The following ANXA2 variants were observed in gnomAD, a reference collection of about 807,000 sequenced individuals.
ANXA2 encodes the protein annexin II.
Under a neutral mutation model 47.3 loss-of-function variants are expected in ANXA2, and 28 were observed. That is an observed-to-expected ratio of 0.59 (90% CI 0.44 to 0.81). ANXA2 has a LOEUF of 0.81. ANXA2 is among the 40% of genes least tolerant of loss of function. The probability of loss-of-function intolerance (pLI) is 0.00; values close to 1 mark genes in which losing one functional copy is unlikely to be tolerated. For synonymous variants in ANXA2, 172 were observed against 155.5 expected (o/e 1.11, Z -0.79); for missense variants, 384 against 414.3 (o/e 0.93, Z 0.64).
At chr15:60,393,419 A>G in intron 1 of ANXA2, 1 of 1,007,504 alleles carries the variant, frequency 9.9e-7, no homozygotes, top group Non-Finnish European at 1.2e-6. Context: ...CACATATTGT[A>G]TTTTCAACAG....
At chr15:60,358,879 T>C (rs1004776232) in intron 5 of ANXA2, among the ~76,000 whole-genome samples, 17 of 152,214 alleles carry the variant, frequency 1.1e-4, no homozygotes, top group African/African-American at 3.9e-4. Context: ...GTAAGATGTG[T>C]TTCCTTCCAT....
Position 60,355,953 on chromosome 15 carries a change from C to T in ANXA2, c.494G>A (p.Gly165Asp), listed in dbSNP as rs767456475. The change falls in exon 7 of 13, where the codon GGT (glycine) becomes GAT (aspartate). Residue 165 changes from glycine (G) to aspartate (D), a missense_variant. Transcript: ENST00000451270. ...LEKDIISDTS[G>D]DFRKLMVALA... The stretch of plus-strand genomic sequence containing the variant: ...GGCAACCATCAGCTTGCGGAAGTCA[C>T]CAGATGTGTCCGAAATAATGTCCTT... The T allele has an allele frequency of 1.2e-6, 2 of 1,614,098 alleles. No individual in the cohort carries two copies. Among genetic ancestry groups the T allele is most frequent in the East Asian group, 2.2e-5 (1 of 44,894 alleles).
chr15:60,365,853 T>TCCCC (rs1261378322), intron 3 of ANXA2, among the ~76,000 whole-genome samples: 10 of 70,752 alleles, frequency 1.4e-4, no homozygotes, highest in African/African-American at 5.1e-4. Context: ...CCTCTCCCCC[T>TCCCC]CCCCCTCCCC....
At chr15:60,347,749 T>C (rs1237822830) in intron 12 of ANXA2, 60 bp from the exon 13 acceptor site, 1 of 1,445,678 alleles carries the variant, frequency 6.9e-7, no homozygotes, top group East Asian at 2.3e-5. Context: ...GACTCCTCAA[T>C]AACACAGAAG....
In ANXA2 at chr15:60,361,079, G is replaced by GAAA; in HGVS notation, c.244-26_244-25insTTT. On this transcript the variant is annotated intron_variant, in intron 4 of 12. Transcript: ENST00000451270. ...CCTTCAAGATAACAGGCAATCATAA[G>GAAA]GAAAATATTTATTTTACTTTAAAAC... is the stretch of plus-strand genomic sequence containing the variant. 4 of 1,473,582 alleles carry GAAA rather than the reference G, an allele frequency of 2.7e-6. No individual in the cohort carries two copies. In the South Asian group the frequency reaches 4.6e-5, roughly 17 times the overall value. The allele number at this position is 1,473,582 out of a possible 1,614,324, so 91.3% of individuals were successfully genotyped here. A position where few individuals can be genotyped will look rare whatever the true frequency, so the allele number is the denominator to read the frequency against.
chr15:60,349,249 G>C lies in ANXA2; in HGVS notation c.838-52C>G, dbSNP rs1595657521. 1.9e-6 allele frequency: 3 copies of C among 1,602,366 alleles called. No individual in the cohort carries two copies. The East Asian group carries it at 6.7e-5, about 36-fold the overall frequency. On this transcript the variant is annotated intron_variant, in intron 11 of 12. Transcript: ENST00000451270. Reference sequence around the variant, plus strand: ...ATTCGCTGAGAATGTTATCGTTAAAGAAAGCGTCTACAGGTTGAGCATCCC... The same window carrying C: ...ATTCGCTGAGAATGTTATCGTTAAACAAAGCGTCTACAGGTTGAGCATCCC...
At chr15:60,381,726 T>C (rs1178372370) in intron 3 of ANXA2, among the ~76,000 whole-genome samples, 1 of 152,074 alleles carries the variant, frequency 6.6e-6, no homozygotes, top group Non-Finnish European at 1.5e-5. Context: ...AAAAAAAGTC[T>C]GAATTTTTCA....
chr15:60,387,942 C>G (rs938705648), intron 1 of ANXA2, among the ~76,000 whole-genome samples: 1 of 152,142 alleles, frequency 6.6e-6, no homozygotes, highest in Non-Finnish European at 1.5e-5. Context: ...GTAATCCCAG[C>G]ACTGTGGGAG....
At chr15:60,389,516 T>C (rs2062979411) in intron 1 of ANXA2, among the ~76,000 whole-genome samples, 1 of 152,178 alleles carries the variant, frequency 6.6e-6, no homozygotes, top group African/African-American at 2.4e-5. Context: ...ACACTCTCCA[T>C]TCATGTTAAT....
At chr15:60,366,039 C>T (rs1205021032) in intron 3 of ANXA2, among the ~76,000 whole-genome samples, 2 of 136,292 alleles carry the variant, frequency 1.5e-5, no homozygotes, top group Non-Finnish European at 3.2e-5. Flanking sequence ...TTGGTGGAGA[C>T]GGGGTTTCGC....
intron 1 of ANXA2, among the ~76,000 whole-genome samples, chr15:60,394,393 A>T (rs2063053468): frequency 6.6e-6 from 1 of 152,184 alleles, no homozygotes; most frequent in South Asian, 2.1e-4. Context: ...AGTTGAGCTC[A>T]GCTGGATTAA....
intron 7 of ANXA2, chr15:60,355,430 G>C (rs1351343472): frequency 1.7e-5 from 4 of 234,738 alleles, no homozygotes; most frequent in African/African-American, 6.9e-5. Flanking sequence ...GCCAGAACTA[G>C]GGATTCACAG....
At chr15:60,378,193 T>C (rs1020126281) in intron 3 of ANXA2, among the ~76,000 whole-genome samples, 2 of 152,146 alleles carry the variant, frequency 1.3e-5, no homozygotes, top group African/African-American at 2.4e-5. Flanking sequence ...TTAAGGTGAA[T>C]GGATGTTAAA....
intron 4 of ANXA2, among the ~76,000 whole-genome samples, chr15:60,363,354 C>T (rs766879749): frequency 1.5e-4 from 23 of 152,080 alleles, no homozygotes; most frequent in Admixed American, 2.6e-4. Flanking sequence ...ATTTAGAGTG[C>T]GGGGGATGGA....
intron 3 of ANXA2, among the ~76,000 whole-genome samples, chr15:60,375,429 C>T (rs2062763052): frequency 6.6e-6 from 1 of 152,132 alleles, no homozygotes; most frequent in Admixed American, 6.5e-5. Context: ...TCTGGAGTCT[C>T]GATTCATCCT....
intron 8 of ANXA2, 75 bp downstream of exon 8, chr15:60,354,079 G>C (rs1375634636): frequency 1.0e-5 from 12 of 1,178,492 alleles, no homozygotes; most frequent in Non-Finnish European, 1.3e-5. Context: ...TTGTCACACA[G>C]AGTTAAATTA....
chr15:60,368,308 T>TAAAAA (rs147990822), intron 3 of ANXA2, among the ~76,000 whole-genome samples: 4 of 134,940 alleles, frequency 3.0e-5, no homozygotes, highest in African/African-American at 1.1e-4. Context: ...GAATGATCAA[T>TAAAAA]AAAAAAAAAA....
chr15:60,357,092 T>G (rs1172813845), intron 6 of ANXA2, 54 bp downstream of exon 6: 1 of 1,532,132 alleles, frequency 6.5e-7, no homozygotes, highest in Non-Finnish European at 9.0e-7. Flanking sequence ...GTGGCCATGA[T>G]AGAGTCACAT....
intron 11 of ANXA2, among the ~76,000 whole-genome samples, chr15:60,350,230 G>A (rs1169541877): frequency 6.6e-6 from 1 of 152,004 alleles, no homozygotes; most frequent in Admixed American, 6.5e-5. Context: ...AGAAAGAAGA[G>A]CATCTGGGAA....
Sources: gnomAD v4.1 joint callset for allele counts (sites outside exome capture counted in the v4.1 genomes callset) on GRCh38, gnomAD v4.1.1 for gene constraint, MANE v1.5 for transcripts, NCBI Gene and HGNC (gene_info 2026-07-23, HGNC 2026-07-21) for gene names.